STXBP5L: variants seen among roughly 807,000 people sequenced by gnomAD.
STXBP5L encodes the protein syntaxin-binding protein 5-like.
A neutral mutation model predicts 144.5 loss-of-function variants in STXBP5L; 65 were observed. The ratio of observed to expected loss-of-function variants is 0.45; its 90% confidence interval spans 0.37 to 0.55. The LOEUF (loss-of-function observed/expected upper bound fraction) is 0.55, where lower values mean the gene tolerates loss of function less well. STXBP5L is among the 20% of genes least tolerant of loss of function. STXBP5L has a pLI of 0.00. For synonymous variants in STXBP5L, 505 were observed against 469.6 expected (o/e 1.08, Z -0.97); for missense variants, 1,298 against 1,405.5 (o/e 0.92, Z 1.22).
intron 2 of STXBP5L, among the ~76,000 whole-genome samples, chr3:120,950,327 G>A (rs931090950): frequency 2.0e-5 from 3 of 152,020 alleles, no homozygotes; most frequent in African/African-American, 7.2e-5. Flanking sequence ...TCAATGGACT[G>A]AAAATGTGAG....
chr3:121,353,988 A>G (rs1235868708), intron 20 of STXBP5L, among the ~76,000 whole-genome samples: 1 of 152,150 alleles, frequency 6.6e-6, no homozygotes, highest in African/African-American at 2.4e-5. Context: ...ATAGTTGAGC[A>G]GTTTTGAGTG....
At chr3:121,157,476 C>G (rs752344399) in intron 8 of STXBP5L, 28 bp from the exon 9 acceptor site, 36 of 1,544,070 alleles carry the variant, frequency 2.3e-5, no homozygotes, top group Non-Finnish European at 2.9e-5. Flanking sequence ...TTTTCCCCCT[C>G]TACTTGTTTT....
chr3:121,020,457 G>C (rs1945466573), intron 3 of STXBP5L, among the ~76,000 whole-genome samples: 1 of 152,154 alleles, frequency 6.6e-6, no homozygotes, highest in African/African-American at 2.4e-5. Flanking sequence ...TAGACACATA[G>C]TTATCGGTTA....
intron 10 of STXBP5L, among the ~76,000 whole-genome samples, chr3:121,214,350 T>C (rs1363083395): frequency 3.3e-5 from 5 of 152,226 alleles, no homozygotes; most frequent in African/African-American, 1.2e-4. Context: ...CATTTAGTGC[T>C]ATAAATTTCT....
chr3:121,144,306 G>A (rs1465805129), intron 7 of STXBP5L, among the ~76,000 whole-genome samples: 1 of 151,774 alleles, frequency 6.6e-6, no homozygotes, highest in East Asian at 1.9e-4. Context: ...GCTTAAAACA[G>A]AGCATTAGAT....
intron 19 of STXBP5L, among the ~76,000 whole-genome samples, chr3:121,308,221 G>A (rs1247569598): frequency 6.6e-6 from 1 of 152,162 alleles, no homozygotes; most frequent in African/African-American, 2.4e-5. Context: ...ACCTATGTAA[G>A]AAACCTGCAC....
intron 3 of STXBP5L, among the ~76,000 whole-genome samples, chr3:121,037,191 C>T (rs1261597763): frequency 6.6e-6 from 1 of 150,832 alleles, no homozygotes; most frequent in Non-Finnish European, 1.5e-5. Flanking sequence ...CTTTGGCTTC[C>T]GAAAGTATTG....
At chr3:121,208,782 T>G (rs1196850449) in intron 10 of STXBP5L, among the ~76,000 whole-genome samples, 1 of 152,146 alleles carries the variant, frequency 6.6e-6, no homozygotes, top group African/African-American at 2.4e-5. Flanking sequence ...ATATAGTTTA[T>G]TATACTTTAA....
intron 4 of STXBP5L, among the ~76,000 whole-genome samples, chr3:121,045,078 G>T (rs1388716679): frequency 1.3e-5 from 2 of 152,058 alleles, no homozygotes; most frequent in East Asian, 3.9e-4. Flanking sequence ...TCTCTGTAAG[G>T]CTATATAGTA....
chr3:120,956,845 G>T (rs1242719095), intron 3 of STXBP5L, among the ~76,000 whole-genome samples: 2 of 151,800 alleles, frequency 1.3e-5, no homozygotes, highest in Non-Finnish European at 2.9e-5. Flanking sequence ...GTTCAAGTTG[G>T]CTATTTTTTT....
intron 3 of STXBP5L, among the ~76,000 whole-genome samples, chr3:121,025,125 TA>T (rs1284209746): frequency 1.2e-4 from 18 of 152,256 alleles, no homozygotes; most frequent in Admixed American, 1.2e-3. Context: ...ACTCAATTAA[TA>T]AGAGAAGTTA....
At position 121,327,390 on chromosome 3, in the gene STXBP5L, GATAA is replaced by G. The variant is rs142873483; in HGVS notation, c.2176+8854_2176+8857del. Among the ~76,000 whole-genome samples the G allele has an allele frequency of 2.8e-3, 430 of 152,280 alleles. 5 individuals carry two copies. Among genetic ancestry groups the G allele is most frequent in the African/African-American group, 9.7e-3 (405 of 41,580 alleles). The stretch of plus-strand genomic sequence containing the variant: ...TGGAAAGAATGAGTCTAGGAGTAGA[GATAA>G]ATACTTTCACAAAGGTTTATAATCT... On this transcript the variant is annotated intron_variant, in intron 20 of 26. Coordinates refer to ENST00000471454, the MANE Select transcript of STXBP5L (RefSeq NM_001308330.2).
intron 3 of STXBP5L, among the ~76,000 whole-genome samples, chr3:120,971,668 C>T (rs1334727626): frequency 3.3e-5 from 5 of 150,058 alleles, no homozygotes; most frequent in Non-Finnish European, 5.9e-5. Context: ...CACACATATA[C>T]ATTCATCTAT....
At chr3:121,318,043 C>G (rs1357539279) in intron 19 of STXBP5L, among the ~76,000 whole-genome samples, 1 of 152,022 alleles carries the variant, frequency 6.6e-6, no homozygotes, top group Admixed American at 6.6e-5. Flanking sequence ...ATTAAAGTAG[C>G]TATTTCTTAT....
chr3:121,388,032 G>C (rs2046472562), intron 22 of STXBP5L, among the ~76,000 whole-genome samples: 1 of 152,234 alleles, frequency 6.6e-6, no homozygotes, highest in Admixed American at 6.5e-5. Context: ...TCCTATCCAT[G>C]AGCATGGAAT....
chr3:121,300,730 CA>C (rs759793135), intron 19 of STXBP5L, among the ~76,000 whole-genome samples: 2 of 149,966 alleles, frequency 1.3e-5, no homozygotes, highest in South Asian at 2.1e-4. Flanking sequence ...AGTAAACAAA[CA>C]AAAAAAAGAA....
chr3:121,324,342 G>T, intron 20 of STXBP5L: 1 of 505,404 alleles, frequency 2.0e-6, no homozygotes, highest in Admixed American at 3.7e-5. Flanking sequence ...TCCTTTGTTG[G>T]AGCAGTATTT....
In STXBP5L at chr3:121,223,050, G is replaced by C. The variant is rs769002721; in HGVS notation, c.1004G>C (p.Cys335Ser). 1.9e-6 allele frequency: 3 copies of C among 1,612,968 alleles called. No individual in the cohort carries two copies. The highest frequency in any genetic ancestry group is 4.5e-5 in the East Asian group (2 of 44,828). The change falls in exon 11 of 27, where the codon TGT becomes TCT. Residue 335 changes from cysteine (C) to serine (S), a missense_variant. Transcript: ENST00000471454. ...GGTGGGCTGTCCTATGACAAAGCTT[G>C]TAGAAGACCAAGTTTAACCATCATG... ...FSGGLSYDKA[C>S]RRPSLTIMHG...
intron 22 of STXBP5L, among the ~76,000 whole-genome samples, chr3:121,404,891 G>A (rs1326496366): frequency 1.3e-5 from 2 of 152,094 alleles, no homozygotes; most frequent in African/African-American, 2.4e-5. Flanking sequence ...GGCTTAAACA[G>A]CAGAAATTTA....
Sources: allele counts gnomAD v4.1 joint callset (sites outside exome capture counted in the v4.1 genomes callset), GRCh38; gene constraint gnomAD v4.1.1; transcripts MANE v1.5; gene names NCBI Gene and HGNC (gene_info 2026-07-23, HGNC 2026-07-21).